Variants in LRMDA observed in about 807,000 individuals in gnomAD.
The protein encoded by LRMDA is leucine-rich melanocyte differentiation-associated protein.
LRMDA carries 18 observed loss-of-function variants against 29.8 expected under a neutral mutation model. That is an observed-to-expected ratio of 0.60 (90% confidence interval 0.42 to 0.90). The LOEUF is 0.90. Among genes scored for constraint, LRMDA ranks in the 40% least tolerant of loss-of-function variants. The pLI is 0.00. For missense variants in LRMDA, 273 were observed against 273.9 expected (o/e 1.00, Z 0.02); for synonymous variants, 125 against 109.4 (o/e 1.14, Z -0.89).
At position 75,702,199 on chromosome 10, in the gene LRMDA, G is replaced by A. The variant is rs140500577; in HGVS notation, c.131+263705G>A. On this transcript the variant is annotated intron_variant, in intron 2 of 6. Transcript: ENST00000611255. The stretch of plus-strand genomic sequence containing the variant: ...CAGAGCATCTTGAATGTCTACTCTC[G>A]TCACAGTCATTTAACTTGTAATTAT... 3.8e-3 allele frequency among the ~76,000 whole-genome samples: 573 copies of A among 152,248 alleles called. 3 individuals are homozygous for A. The highest frequency in any genetic ancestry group is 0.013 in the African/African-American group (528 of 41,542).
chr10:75,763,326 T>C (rs1843120678), intron 2 of LRMDA, among the ~76,000 whole-genome samples: 1 of 152,146 alleles, frequency 6.6e-6, no homozygotes, highest in Admixed American at 6.5e-5. Context: ...GAACTACAGG[T>C]ATAATAAGCC....
At chr10:76,185,997 C>T (rs1025295419) in intron 5 of LRMDA, among the ~76,000 whole-genome samples, 12 of 152,032 alleles carry the variant, frequency 7.9e-5, no homozygotes, top group African/African-American at 2.7e-4. Context: ...ATCCAATGTG[C>T]ATCTGTTAAA....
intron 2 of LRMDA, among the ~76,000 whole-genome samples, chr10:75,522,740 A>G (rs2132038203): frequency 6.6e-6 from 1 of 152,358 alleles, no homozygotes; most frequent in East Asian, 1.9e-4. Context: ...TTTACTAAAC[A>G]CTACCTGAAT....
chr10:75,449,344 G>A (rs1844432964), intron 2 of LRMDA, among the ~76,000 whole-genome samples: 2 of 152,056 alleles, frequency 1.3e-5, no homozygotes, highest in South Asian at 4.2e-4. Flanking sequence ...CAGAGTAATT[G>A]CCTGAGACCA....
intron 5 of LRMDA, among the ~76,000 whole-genome samples, chr10:76,259,248 C>A (rs527850996): frequency 9.3e-4 from 141 of 152,114 alleles, no homozygotes; most frequent in African/African-American, 3.3e-3. Flanking sequence ...TATTTCTTGG[C>A]CATTCGTATG....
intron 4 of LRMDA, among the ~76,000 whole-genome samples, chr10:76,048,988 G>A (rs1433924167): frequency 6.6e-6 from 1 of 152,130 alleles, no homozygotes; most frequent in Admixed American, 6.5e-5. Flanking sequence ...CTTATAGGGA[G>A]ATGCAGGGAT....
chr10:76,443,909 TA>T, intron 6 of LRMDA, among the ~76,000 whole-genome samples: 1 of 152,312 alleles, frequency 6.6e-6, no homozygotes, highest in East Asian at 1.9e-4. Context: ...TTTATTTTAT[TA>T]AGCACCTTTC....
At chr10:76,083,553 G>C (rs1849081459) in intron 5 of LRMDA, among the ~76,000 whole-genome samples, 1 of 152,214 alleles carries the variant, frequency 6.6e-6, no homozygotes, top group South Asian at 2.1e-4. Flanking sequence ...TCATGGCTTG[G>C]CACAGTGGCT....
chr10:75,476,858 C>T (rs910582203), intron 2 of LRMDA, among the ~76,000 whole-genome samples: 12 of 152,234 alleles, frequency 7.9e-5, no homozygotes, highest in African/African-American at 2.4e-4. Context: ...ATGAAAGTGT[C>T]AGGAGAATTG....
intron 5 of LRMDA, among the ~76,000 whole-genome samples, chr10:76,263,461 T>C (rs1839967996): frequency 6.6e-6 from 1 of 152,320 alleles, no homozygotes; most frequent in African/African-American, 2.4e-5. Flanking sequence ...AGGCATTGTT[T>C]CCAGGTTTGC....
chr10:76,299,613 T>G (rs1840455986), intron 5 of LRMDA, among the ~76,000 whole-genome samples: 1 of 151,668 alleles, frequency 6.6e-6, no homozygotes, highest in African/African-American at 2.4e-5. Flanking sequence ...CTTTTTTTTT[T>G]TTTTTATGGG....
At chr10:76,127,251 C>T (rs1564659802) in intron 5 of LRMDA, among the ~76,000 whole-genome samples, 1 of 152,168 alleles carries the variant, frequency 6.6e-6, no homozygotes, top group Non-Finnish European at 1.5e-5. Context: ...TCAAAAAATG[C>T]ATATATGTGC....
Position 75,776,712 on chromosome 10 carries a change from A to G in LRMDA, c.132-259296A>G, listed in dbSNP as rs150964084. Among the ~76,000 whole-genome samples the G allele has an allele frequency of 1.7e-3, 255 of 152,352 alleles. 1 individual carries two copies. Among genetic ancestry groups the G allele is most frequent in the Non-Finnish European group, 2.8e-3 (193 of 68,038 alleles). On this transcript the variant is annotated intron_variant, in intron 2 of 6. Coordinates refer to ENST00000611255, the MANE Select transcript of LRMDA (RefSeq NM_001305581.2). The stretch of plus-strand genomic sequence containing the variant: ...AAAAGTTCCTATCTCCTGTTTGCAT[A>G]TCTTTTATGAAAACAATTTAAACCG...
At chr10:75,997,181 G>T (rs1031206018) in intron 2 of LRMDA, among the ~76,000 whole-genome samples, 2 of 152,040 alleles carry the variant, frequency 1.3e-5, no homozygotes, top group Non-Finnish European at 2.9e-5. Flanking sequence ...AAACCTTCTG[G>T]AATATATCCC....
At chr10:75,704,242 G>A (rs919934914) in intron 2 of LRMDA, among the ~76,000 whole-genome samples, 1 of 152,118 alleles carries the variant, frequency 6.6e-6, no homozygotes, top group Non-Finnish European at 1.5e-5. Flanking sequence ...GACTTTTTCA[G>A]TTCAACAATA....
chr10:75,961,205 A>G (rs1401531051), intron 2 of LRMDA, among the ~76,000 whole-genome samples: 2 of 152,218 alleles, frequency 1.3e-5, no homozygotes, highest in African/African-American at 4.8e-5. Context: ...GCAAATTAAA[A>G]CACTCTTAAT....
chr10:75,858,834 C>T (rs1029849921), intron 2 of LRMDA, among the ~76,000 whole-genome samples: 4 of 152,186 alleles, frequency 2.6e-5, no homozygotes, highest in African/African-American at 9.7e-5. Context: ...TTTGGCTGCT[C>T]CTCTACCCCT....
intron 2 of LRMDA, among the ~76,000 whole-genome samples, chr10:75,512,721 C>G (rs1348129807): frequency 1.3e-5 from 2 of 152,148 alleles, no homozygotes; most frequent in Non-Finnish European, 2.9e-5. Flanking sequence ...TTGCATCTCT[C>G]TCTCTGCTTG....
chr10:76,341,686 A>G (rs1589143764), intron 6 of LRMDA, among the ~76,000 whole-genome samples: 1 of 152,172 alleles, frequency 6.6e-6, no homozygotes, highest in South Asian at 2.1e-4. Flanking sequence ...AGCTAGAATT[A>G]TCAGAAGATT....
Sources: gnomAD v4.1 joint callset for allele counts (sites outside exome capture counted in the v4.1 genomes callset) on GRCh38, gnomAD v4.1.1 for gene constraint, MANE v1.5 for transcripts, NCBI Gene and HGNC (gene_info 2026-07-23, HGNC 2026-07-21) for gene names.